The following SLC37A3 variants were observed in gnomAD, a reference collection of about 807,000 sequenced individuals.
The protein encoded by SLC37A3 is solute carrier family 37 member 3.
In SLC37A3, 51 loss-of-function variants were observed where a neutral mutation model predicts 67.1. The observed-to-expected ratio is 0.76, with a 90% CI of 0.61 to 0.96. SLC37A3 has a LOEUF of 0.96. Ranked by LOEUF, SLC37A3 falls within the 40% of genes least tolerant of loss-of-function variation. The pLI is 0.00. For missense variants in SLC37A3, 508 were observed against 603.0 expected (o/e 0.84, Z 1.65); for synonymous variants, 214 against 231.4 (o/e 0.92, Z 0.68).
At chr7:140,393,101 A>C (rs954915767) in intron 1 of SLC37A3, among the ~76,000 whole-genome samples, 8 of 151,836 alleles carry the variant, frequency 5.3e-5, no homozygotes, top group African/African-American at 1.5e-4. Context: ...CAAAAAAAAA[A>C]CTCAAAGGAT....
intron 8 of SLC37A3, chr7:140,351,853 A>C: frequency 1.5e-6 from 1 of 658,828 alleles, no homozygotes; most frequent in South Asian, 1.6e-5. Context: ...TCTATAAAAG[A>C]CGTGCATCAC....
intron 3 of SLC37A3, among the ~76,000 whole-genome samples, chr7:140,378,615 T>G (rs1798122810): frequency 6.6e-6 from 1 of 151,928 alleles, no homozygotes; most frequent in Admixed American, 6.6e-5. Context: ...CATGCGCCTG[T>G]AGTCCCAGCT....
chr7:140,398,256 G>A (rs540256280), intron 1 of SLC37A3, among the ~76,000 whole-genome samples, 160 bp downstream of exon 1: 43 of 152,232 alleles, frequency 2.8e-4, no homozygotes, highest in African/African-American at 9.4e-4. Flanking sequence ...GGCCCAGGGA[G>A]GAGAAGGAGG....
intron 3 of SLC37A3, among the ~76,000 whole-genome samples, chr7:140,375,474 CAA>C (rs11292852): frequency 1.2e-3 from 163 of 139,938 alleles, no homozygotes; most frequent in East Asian, 7.8e-3. Flanking sequence ...GACTCCGTCT[CAA>C]AAAAAAAAAA....
chr7:140,355,995 G>C (rs1797010996), intron 6 of SLC37A3, among the ~76,000 whole-genome samples: 1 of 152,080 alleles, frequency 6.6e-6, no homozygotes, highest in Admixed American at 6.6e-5. Context: ...AGGAGTTCGA[G>C]ACCAGCCTGA....
intron 3 of SLC37A3, among the ~76,000 whole-genome samples, chr7:140,377,928 T>C (rs1187576074): frequency 6.6e-6 from 1 of 152,138 alleles, no homozygotes; most frequent in East Asian, 1.9e-4. Context: ...TCTGGGAAGC[T>C]TGGCCTGGCC....
At chr7:140,372,567 A>G (rs1797862194) in intron 3 of SLC37A3, among the ~76,000 whole-genome samples, 1 of 152,198 alleles carries the variant, frequency 6.6e-6, no homozygotes, top group South Asian at 2.1e-4. Context: ...ACAGGATTTT[A>G]AAAAGCCAAT....
In SLC37A3 at chr7:140,364,253, G is replaced by A. The variant is rs955559381; in HGVS notation, c.375+155C>T. Among the ~76,000 whole-genome samples the A allele has an allele frequency of 8.8e-5, 3 of 34,088 alleles. No homozygotes were observed. In the East Asian group the frequency reaches 2.9e-3, roughly 33 times the overall value. The allele number at this position is 34,088 out of a possible 152,430, so 22.4% of individuals were successfully genotyped here. On this transcript the variant is annotated intron_variant, in intron 5 of 14. Transcript: ENST00000326232. ...GGTAATAGAGCAAGATTCTGTCTCG[G>A]GGGGGAAAAAAAAGACTCATCTAAG...
intron 4 of SLC37A3, among the ~76,000 whole-genome samples, chr7:140,367,391 G>A (rs929503069): frequency 6.6e-6 from 1 of 152,004 alleles, no homozygotes; most frequent in African/African-American, 2.4e-5. Flanking sequence ...AGCTGAGATA[G>A]CACCATTGCA....
intron 13 of SLC37A3, 118 bp from the exon 14 acceptor site, chr7:140,337,467 GT>G: frequency 1.2e-6 from 1 of 823,422 alleles, no homozygotes; most frequent in East Asian, 3.0e-5. Flanking sequence ...GGATTTGTAT[GT>G]TTTGCAGTTT....
At chr7:140,367,899 A>G (rs2129635052) in intron 4 of SLC37A3, among the ~76,000 whole-genome samples, 1 of 148,274 alleles carries the variant, frequency 6.7e-6, no homozygotes, top group East Asian at 2.0e-4. Context: ...GGCTCACTGC[A>G]ACCTCCTCCT....
chr7:140,373,184 C>T (rs1314788137), intron 3 of SLC37A3, among the ~76,000 whole-genome samples: 3 of 152,006 alleles, frequency 2.0e-5, no homozygotes, highest in Non-Finnish European at 2.9e-5. Flanking sequence ...CTCCTGACCT[C>T]GTGATCTGCC....
At chr7:140,379,362 C>T (rs1798158049) in intron 3 of SLC37A3, 1 of 151,500 alleles carries the variant, frequency 6.6e-6, no homozygotes, top group South Asian at 2.1e-4. Context: ...GTGGTCCCAG[C>T]TACTTGGGAG....
intron 5 of SLC37A3, among the ~76,000 whole-genome samples, chr7:140,360,964 C>G (rs1248966746): frequency 6.6e-6 from 1 of 152,028 alleles, no homozygotes; most frequent in Non-Finnish European, 1.5e-5. Context: ...GCATACCCAC[C>G]CTAAGGGAAA....
At chr7:140,337,199 G>C in intron 14 of SLC37A3, 85 bp downstream of exon 14, 1 of 1,029,886 alleles carries the variant, frequency 9.7e-7, no homozygotes, top group Non-Finnish European at 1.3e-6. Flanking sequence ...GCAATCAACA[G>C]TTTTGCTGAA....
intron 13 of SLC37A3, among the ~76,000 whole-genome samples, chr7:140,340,805 C>A (rs2117021235): frequency 6.6e-6 from 1 of 152,172 alleles, no homozygotes; most frequent in Non-Finnish European, 1.5e-5. Flanking sequence ...GTGGTGGGTA[C>A]CTGCAGTCCA....
chr7:140,364,374 A>C (rs1797512589), intron 5 of SLC37A3, 34 bp downstream of exon 5: 1 of 1,587,352 alleles, frequency 6.3e-7, no homozygotes, highest in African/African-American at 1.4e-5. Flanking sequence ...AAAATACCTG[A>C]CCAAAATAAT....
chr7:140,335,290 G>A lies in SLC37A3; in HGVS notation c.*122C>T, dbSNP rs763819539. 1.2e-6 allele frequency: 2 copies of A among 1,614,122 alleles called. No individual in the cohort carries two copies. Among genetic ancestry groups the A allele is most frequent in the East Asian group, 2.2e-5 (1 of 44,868 alleles). The stretch of plus-strand genomic sequence containing the variant: ...AGCATCTCAGGTGGCTGGCAGTGTT[G>A]AGAGACGCCTGACAATCCAAGATCA... On this transcript the variant is annotated 3_prime_UTR_variant, in exon 15 of 15. Coordinates refer to ENST00000326232, the MANE Select transcript of SLC37A3 (RefSeq NM_207113.3).
rs187867019 is a variant in SLC37A3 at position 140,335,231 on chromosome 7, G to T, written c.*181C>A. ...AAAATCATCAACAGTAATTCCTGTA[G>T]TGTAGAAAACTAGTGCAGCCTTCAC... On this transcript the variant is annotated 3_prime_UTR_variant, in exon 15 of 15. Transcript: ENST00000326232. 9 of 1,612,406 alleles carry T rather than the reference G, an allele frequency of 5.6e-6. No homozygotes were observed. In the Admixed American group the frequency reaches 1.5e-4, roughly 27 times the overall value.
Sources: gnomAD v4.1 joint callset for allele counts (sites outside exome capture counted in the v4.1 genomes callset) on GRCh38, gnomAD v4.1.1 for gene constraint, MANE v1.5 for transcripts, NCBI Gene and HGNC (gene_info 2026-07-23, HGNC 2026-07-21) for gene names.